CACNB4: variants seen among roughly 807,000 people sequenced by gnomAD.
The protein encoded by CACNB4 is voltage-dependent L-type calcium channel subunit beta-4.
In CACNB4, 32 loss-of-function variants were observed where a neutral mutation model predicts 71.2. That is an observed-to-expected ratio of 0.45 (90% CI 0.34 to 0.60). CACNB4 has a LOEUF of 0.60. Ranked by LOEUF, CACNB4 falls within the 20% of genes least tolerant of loss-of-function variation. The pLI, the probability that CACNB4 is intolerant of heterozygous loss-of-function variation, is 0.01. For missense variants in CACNB4, 464 were observed against 647.9 expected (o/e 0.72, Z 3.08); for synonymous variants, 231 against 236.9 (o/e 0.97, Z 0.23).
intron 2 of CACNB4, among the ~76,000 whole-genome samples, chr2:151,916,906 A>G (rs1426180228): frequency 6.6e-6 from 1 of 152,254 alleles, no homozygotes; most frequent in East Asian, 1.9e-4. Flanking sequence ...TGCAATGCAC[A>G]GGACAGGTCT....
intron 2 of CACNB4, among the ~76,000 whole-genome samples, chr2:151,940,245 A>G (rs147801080): frequency 9.2e-5 from 14 of 152,304 alleles, no homozygotes; most frequent in Admixed American, 5.9e-4. Context: ...CATGAGGTAC[A>G]AGGTGCTAAC....
intron 4 of CACNB4, chr2:151,880,521 G>T (rs1272503716): frequency 2.3e-6 from 1 of 427,280 alleles, no homozygotes; most frequent in East Asian, 5.2e-5. Flanking sequence ...CACAGAAGGG[G>T]ATTTAAAGGT....
chr2:151,839,881 A>G (rs981587667), intron 13 of CACNB4, among the ~76,000 whole-genome samples: 1 of 152,216 alleles, frequency 6.6e-6, no homozygotes, highest in Admixed American at 6.5e-5. Context: ...TGTGCTGTTC[A>G]TAAAATAAAG....
intron 2 of CACNB4, among the ~76,000 whole-genome samples, chr2:152,037,385 T>C (rs535008561): frequency 6.0e-4 from 91 of 152,306 alleles, no homozygotes; most frequent in African/African-American, 2.1e-3. Flanking sequence ...AATAAATAAA[T>C]CCTGCTTTGG....
intron 2 of CACNB4, among the ~76,000 whole-genome samples, chr2:151,890,549 G>C (rs1302556722): frequency 6.6e-6 from 1 of 152,180 alleles, no homozygotes; most frequent in Non-Finnish European, 1.5e-5. Context: ...TACATGGGGA[G>C]CAAGGGTGTG....
chr2:151,884,634 C>CAAAA (rs35506114), intron 2 of CACNB4, among the ~76,000 whole-genome samples: 2 of 61,506 alleles, frequency 3.3e-5, no homozygotes, highest in Non-Finnish European at 5.9e-5. Flanking sequence ...GACTCCGTCT[C>CAAAA]AAAAAAAAAA....
At chr2:151,846,931 A>G (rs2099837744) in intron 12 of CACNB4, among the ~76,000 whole-genome samples, 1 of 152,180 alleles carries the variant, frequency 6.6e-6, no homozygotes, top group African/African-American at 2.4e-5. Flanking sequence ...TCCCATGCAT[A>G]TAATAATAAT....
chr2:152,093,585 T>C (rs755748811), intron 2 of CACNB4, among the ~76,000 whole-genome samples: 56 of 152,324 alleles, frequency 3.7e-4, no homozygotes, highest in Admixed American at 9.8e-4. Flanking sequence ...AAACTGGGTC[T>C]TAGGAGAGCT....
At chr2:151,875,883 CCGGG>C in intron 5 of CACNB4, among the ~76,000 whole-genome samples, 3 of 143,466 alleles carry the variant, frequency 2.1e-5, no homozygotes, top group African/African-American at 7.6e-5. Flanking sequence ...GGGCGGCTGG[CCGGG>C]CAGAGGGGCT....
At position 151,834,888 on chromosome 2, in the gene CACNB4, G is replaced by A. The variant is rs1578395893; in HGVS notation, c.*4231C>T. The A allele has an allele frequency of 6.6e-6, 1 of 151,820 alleles. No individual in the cohort carries two copies. The highest frequency in any genetic ancestry group is 1.5e-5 in the Non-Finnish European group (1 of 67,790). 9.4% of individuals were successfully genotyped at this position (151,820 alleles called of 1,614,324 possible). On this transcript the variant is annotated 3_prime_UTR_variant, in exon 14 of 14. Transcript: ENST00000539935. ...CATTCATACAGTCATTCAAGGATGAGTTTTATATAATTTAAAAAAACACAA... is the reference window on the plus strand; with the variant it reads ...CATTCATACAGTCATTCAAGGATGAATTTTATATAATTTAAAAAAACACAA...
intron 2 of CACNB4, among the ~76,000 whole-genome samples, chr2:151,892,747 A>G (rs1390860501): frequency 6.6e-6 from 1 of 152,304 alleles, no homozygotes; most frequent in East Asian, 1.9e-4. Context: ...ACAAAGCTTC[A>G]TAGGAGCTCA....
At position 152,035,651 on chromosome 2, in the gene CACNB4, C is replaced by CTCTCTCTCTATA. The variant is rs796161186; in HGVS notation, c.147+62678_147+62679insTATAGAGAGAGA. Among the ~76,000 whole-genome samples, 1,089 of 118,006 alleles carry CTCTCTCTCTATA rather than the reference C, an allele frequency of 9.2e-3. 12 individuals are homozygous for CTCTCTCTCTATA. The highest frequency in any genetic ancestry group is 0.011 in the Non-Finnish European group (681 of 59,714). 77.4% of individuals were successfully genotyped at this position (118,006 alleles called of 152,430 possible). On this transcript the variant is annotated intron_variant, in intron 2 of 13. Transcript: ENST00000539935. ...TCTCCCTCTCTCTCTCTCTCTCTCTCTATATATATATATATATGTATGTAT... is the reference window on the plus strand; with the variant it reads ...TCTCCCTCTCTCTCTCTCTCTCTCTCTCTCTCTCTATATATATATATATATATATGTATGTAT...
chr2:151,886,784 T>C (rs577430142), intron 2 of CACNB4, among the ~76,000 whole-genome samples: 9 of 152,340 alleles, frequency 5.9e-5, no homozygotes, highest in African/African-American at 2.2e-4. Flanking sequence ...TCTGCTGGCT[T>C]GGTACTGGCT....
At chr2:152,032,968 A>G (rs1414011093) in intron 2 of CACNB4, among the ~76,000 whole-genome samples, 1 of 152,196 alleles carries the variant, frequency 6.6e-6, no homozygotes, top group Non-Finnish European at 1.5e-5. Flanking sequence ...AAAAAAAATA[A>G]ATAAATAAAA....
chr2:152,032,813 G>A (rs1684358301), intron 2 of CACNB4, among the ~76,000 whole-genome samples: 1 of 152,086 alleles, frequency 6.6e-6, no homozygotes, highest in South Asian at 2.1e-4. Context: ...AATTAGCTGG[G>A]TATGTTGGCA....
chr2:151,865,816 GC>G, intron 9 of CACNB4: 1 of 128,834 alleles, frequency 7.8e-6, no homozygotes, highest in Admixed American at 8.3e-5. Context: ...ACAGAGTTTT[GC>G]TCCTATTGCC....
chr2:151,922,626 G>T (rs560868505), intron 2 of CACNB4, among the ~76,000 whole-genome samples: 11 of 152,290 alleles, frequency 7.2e-5, no homozygotes, highest in African/African-American at 2.6e-4. Context: ...GATGAAATTT[G>T]CCCTGTGTGA....
intron 2 of CACNB4, among the ~76,000 whole-genome samples, chr2:151,884,706 C>T (rs1380241114): frequency 1.3e-5 from 2 of 151,938 alleles, no homozygotes; most frequent in Non-Finnish European, 2.9e-5. Flanking sequence ...AAAAGTCAAC[C>T]CCTTCCTTGC....
intron 12 of CACNB4, among the ~76,000 whole-genome samples, chr2:151,845,440 C>T (rs2099837307): frequency 2.0e-5 from 3 of 152,140 alleles, no homozygotes; most frequent in African/African-American, 7.2e-5. Flanking sequence ...TAGGAAATAA[C>T]ACAGCTGAGT....
Sources: gnomAD v4.1 joint callset for allele counts (sites outside exome capture counted in the v4.1 genomes callset) on GRCh38, gnomAD v4.1.1 for gene constraint, MANE v1.5 for transcripts, NCBI Gene and HGNC (gene_info 2026-07-23, HGNC 2026-07-21) for gene names.